Variants in STXBP5L observed in about 807,000 individuals in gnomAD.
STXBP5L encodes syntaxin binding protein 5L.
In STXBP5L, 65 loss-of-function variants were observed where a neutral mutation model predicts 144.5. The observed-to-expected ratio is 0.45, with a 90% CI of 0.37 to 0.55. The LOEUF is 0.55. Among genes scored for constraint, STXBP5L ranks in the 20% least tolerant of loss-of-function variants. The probability of loss-of-function intolerance (pLI) is 0.00; values close to 1 mark genes in which losing one functional copy is unlikely to be tolerated. For synonymous variants in STXBP5L, 505 were observed against 469.6 expected (o/e 1.08, Z -0.97); for missense variants, 1,298 against 1,405.5 (o/e 0.92, Z 1.22).
At chr3:121,201,079 G>A (rs1046995124) in intron 9 of STXBP5L, among the ~76,000 whole-genome samples, 1 of 152,058 alleles carries the variant, frequency 6.6e-6, no homozygotes, top group Non-Finnish European at 1.5e-5. Context: ...TATTGATAGT[G>A]GGGTGTTAAA....
rs201738785 is a variant in STXBP5L at position 121,283,887 on chromosome 3, GTGTGTGCT to G, written c.2110+3938_2110+3945del. ...TGAAGGTAGGATCTCCTACATTTGTGTGTGTGCTTGTGTGTGTGTGTGTGTGTGTGTGT... is the reference window on the plus strand; with the variant it reads ...TGAAGGTAGGATCTCCTACATTTGTGTGTGTGTGTGTGTGTGTGTGTGTGT... On this transcript the variant is annotated intron_variant, in intron 19 of 26. Coordinates refer to ENST00000471454, the MANE Select transcript of STXBP5L (RefSeq NM_001308330.2). Among the ~76,000 whole-genome samples, 1,103 of 137,650 alleles carry G rather than the reference GTGTGTGCT, an allele frequency of 8.0e-3. 13 individuals are homozygous for G. The highest frequency in any genetic ancestry group is 0.03 in the African/African-American group (982 of 32,924). 90.3% of individuals were successfully genotyped at this position (137,650 alleles called of 152,430 possible).
intron 3 of STXBP5L, among the ~76,000 whole-genome samples, chr3:120,994,104 G>T (rs763177176): frequency 4.6e-5 from 7 of 151,852 alleles, no homozygotes; most frequent in African/African-American, 1.7e-4. Flanking sequence ...CATAATTGAT[G>T]TATAGAAATG....
chr3:121,418,200 T>C (rs1433394096), intron 25 of STXBP5L, 137 bp from the exon 26 acceptor site: 2 of 996,204 alleles, frequency 2.0e-6, no homozygotes, highest in African/African-American at 1.6e-5. Flanking sequence ...AATACATATA[T>C]GACTGGACCA....
At chr3:121,375,450 A>G (rs542787592) in intron 20 of STXBP5L, among the ~76,000 whole-genome samples, 3 of 152,292 alleles carry the variant, frequency 2.0e-5, no homozygotes, top group Admixed American at 1.3e-4. Context: ...ACAGACAGTA[A>G]GTGAGCAACT....
intron 20 of STXBP5L, among the ~76,000 whole-genome samples, chr3:121,339,061 C>A (rs750113593): frequency 6.6e-6 from 1 of 152,074 alleles, no homozygotes; most frequent in Non-Finnish European, 1.5e-5. Flanking sequence ...GCCAGTATCA[C>A]CTTGATACCA....
At chr3:121,143,493 A>C (rs1414271397) in intron 7 of STXBP5L, among the ~76,000 whole-genome samples, 1 of 151,806 alleles carries the variant, frequency 6.6e-6, no homozygotes, top group East Asian at 1.9e-4. Context: ...ATCAAGTGGG[A>C]TCTATCTCTG....
At chr3:121,272,636 A>C (rs544803496) in intron 18 of STXBP5L, among the ~76,000 whole-genome samples, 7 of 152,092 alleles carry the variant, frequency 4.6e-5, no homozygotes, top group Non-Finnish European at 7.4e-5. Context: ...AGTAGGTACA[A>C]ATTTACAATG....
intron 14 of STXBP5L, among the ~76,000 whole-genome samples, chr3:121,241,367 A>C (rs975394312): frequency 3.5e-5 from 3 of 86,844 alleles, no homozygotes; most frequent in Non-Finnish European, 6.7e-5. Flanking sequence ...TAACAACAAC[A>C]CACACACATA....
intron 20 of STXBP5L, among the ~76,000 whole-genome samples, chr3:121,329,940 T>C (rs573654124): frequency 3.3e-5 from 5 of 152,324 alleles, no homozygotes; most frequent in Admixed American, 2.6e-4. Context: ...GATACACTTA[T>C]TTAATGTAAG....
chr3:121,061,443 AT>A (rs1043579000), intron 5 of STXBP5L, among the ~76,000 whole-genome samples: 1 of 152,202 alleles, frequency 6.6e-6, no homozygotes, highest in African/African-American at 2.4e-5. Context: ...GTGAAAGCAT[AT>A]TCTCTTGATT....
chr3:121,150,038 C>T (rs575531951), intron 7 of STXBP5L, among the ~76,000 whole-genome samples: 1 of 151,916 alleles, frequency 6.6e-6, no homozygotes, highest in African/African-American at 2.4e-5. Flanking sequence ...ATGATTTCTT[C>T]TTTGCTTATT....
chr3:120,989,868 A>C (rs1314588608), intron 3 of STXBP5L, among the ~76,000 whole-genome samples: 1 of 152,156 alleles, frequency 6.6e-6, no homozygotes, highest in African/African-American at 2.4e-5. Context: ...ATGGGCAAAA[A>C]CTTGAAGCAT....
At chr3:121,139,575 T>A (rs1405814683) in intron 7 of STXBP5L, among the ~76,000 whole-genome samples, 1 of 152,020 alleles carries the variant, frequency 6.6e-6, no homozygotes, top group Non-Finnish European at 1.5e-5. Flanking sequence ...ACAGATATAA[T>A]AAATATCTAC....
chr3:121,296,073 T>C (rs2051637482), intron 19 of STXBP5L, among the ~76,000 whole-genome samples: 1 of 152,212 alleles, frequency 6.6e-6, no homozygotes, highest in Non-Finnish European at 1.5e-5. Context: ...CTCAATTGTT[T>C]ATTTACCATA....
At chr3:121,097,510 T>C (rs9872673) in intron 5 of STXBP5L, among the ~76,000 whole-genome samples, 15,115 of 152,212 alleles carry the variant, frequency 0.099, 1,186 homozygotes, top group Admixed American at 0.2. Context: ...GTATCTGGGC[T>C]GGAGTGTGCA....
chr3:121,085,824 T>G (rs1004440208), intron 5 of STXBP5L, among the ~76,000 whole-genome samples: 2 of 152,130 alleles, frequency 1.3e-5, no homozygotes, highest in Non-Finnish European at 2.9e-5. Flanking sequence ...AAACAAATTC[T>G]TTAAAAATCA....
At chr3:121,284,209 T>A (rs1358003758) in intron 19 of STXBP5L, among the ~76,000 whole-genome samples, 1 of 151,976 alleles carries the variant, frequency 6.6e-6, no homozygotes, top group Non-Finnish European at 1.5e-5. Flanking sequence ...TCATTCAGGA[T>A]CCTCTAAAGT....
chr3:120,957,437 T>A (rs914416581), intron 3 of STXBP5L, among the ~76,000 whole-genome samples: 1 of 152,052 alleles, frequency 6.6e-6, no homozygotes, highest in Non-Finnish European at 1.5e-5. Context: ...CTTGTTGAAA[T>A]TGATTTGTGA....
chr3:121,004,593 T>C (rs1158359737), intron 3 of STXBP5L, among the ~76,000 whole-genome samples: 19 of 152,112 alleles, frequency 1.2e-4, no homozygotes, highest in Non-Finnish European at 2.5e-4. Flanking sequence ...CTATGTTGAA[T>C]AGGAGTGGTG....
Sources: allele counts gnomAD v4.1 joint callset (sites outside exome capture counted in the v4.1 genomes callset), GRCh38; gene constraint gnomAD v4.1.1; transcripts MANE v1.5; gene names NCBI Gene and HGNC (gene_info 2026-07-23, HGNC 2026-07-21).